Variants in GREB1 observed in about 807,000 individuals in gnomAD.
The protein encoded by GREB1 is protein GREB1.
Under a neutral mutation model 200.7 loss-of-function variants are expected in GREB1, and 106 were observed. The observed-to-expected ratio is 0.53, with a 90% confidence interval of 0.45 to 0.62. The LOEUF is 0.62. Among genes scored for constraint, GREB1 ranks in the 20% least tolerant of loss-of-function variants. The pLI, the probability that GREB1 is intolerant of heterozygous loss-of-function variation, is 0.00. For missense variants in GREB1, 2,243 were observed against 2,556.8 expected, an observed-to-expected ratio of 0.88 and a Z score of 2.65; for synonymous variants, 1,132 against 1,092.4, an observed-to-expected ratio of 1.04 and a Z score of -0.72.
intron 1 of GREB1, among the ~76,000 whole-genome samples, chr2:11,513,289 C>T (rs974170891): frequency 3.9e-5 from 6 of 152,148 alleles, no homozygotes; most frequent in Admixed American, 3.9e-4. Flanking sequence ...GGCGTCTCTC[C>T]CTTGTCCTTG....
At chr2:11,609,469 A>C (rs1056194740) in intron 17 of GREB1, among the ~76,000 whole-genome samples, 1 of 151,998 alleles carries the variant, frequency 6.6e-6, no homozygotes, top group African/African-American at 2.4e-5. Flanking sequence ...GGGTTTCATC[A>C]TGTTGGCCAG....
intron 4 of GREB1, among the ~76,000 whole-genome samples, chr2:11,568,432 G>A (rs1677914737): frequency 6.6e-6 from 1 of 152,198 alleles, no homozygotes; most frequent in Admixed American, 6.5e-5. Context: ...AAACATTTTG[G>A]CCAACTCTTT....
At chr2:11,523,791 GC>G (rs1362832132) in intron 1 of GREB1, among the ~76,000 whole-genome samples, 1 of 151,230 alleles carries the variant, frequency 6.6e-6, no homozygotes, top group Non-Finnish European at 1.5e-5. Context: ...TAGCTTCTTT[GC>G]CCCCGGCTTA....
chr2:11,529,447 G>A (rs937473771), upstream of GREB1, among the ~76,000 whole-genome samples: 1 of 152,164 alleles, frequency 6.6e-6, no homozygotes, highest in Non-Finnish European at 1.5e-5. Context: ...AAAGTCTGAC[G>A]GTGACAAGCA....
In GREB1 at chr2:11,585,850, G is replaced by C. The variant is rs1680029991; in HGVS notation, c.1104G>C (p.Val368=). ...CAGTGGTGGCCTCTGGAGAACCAGT[G>C]TCTGTTCCTGACAACTTGCTGAAAA... ...TFPVVASGEP[V]SVPDNLLKIC... The change falls in exon 9 of 33, where the codon GTG becomes GTC. Residue 368 remains valine, a synonymous_variant. Coordinates refer to ENST00000381486, the MANE Select transcript of GREB1 (RefSeq NM_014668.4). 6.2e-7 allele frequency: 1 copy of C among 1,613,904 alleles called. No homozygotes were observed. The highest frequency in any genetic ancestry group is 1.1e-5 in the South Asian group (1 of 91,070).
intron 26 of GREB1, among the ~76,000 whole-genome samples, chr2:11,630,433 G>T (rs138235898): frequency 6.6e-6 from 1 of 152,308 alleles, no homozygotes; most frequent in African/African-American, 2.4e-5. Context: ...CCTATCTTCC[G>T]TGCCCGGAAG....
At chr2:11,537,692 T>C (rs1674356961) in intron 1 of GREB1, among the ~76,000 whole-genome samples, 1 of 147,490 alleles carries the variant, frequency 6.8e-6, no homozygotes, top group Admixed American at 6.8e-5. Context: ...ATATATTACA[T>C]AAATATCATA....
At chr2:11,632,346 T>C (rs1272067477) in intron 27 of GREB1, among the ~76,000 whole-genome samples, 1 of 146,696 alleles carries the variant, frequency 6.8e-6, no homozygotes, top group Non-Finnish European at 1.5e-5. Flanking sequence ...TTTTTTTTTT[T>C]TTTTTTTTTT....
chr2:11,563,192 C>A (rs908102982), intron 3 of GREB1: 2 of 151,842 alleles, frequency 1.3e-5, no homozygotes, highest in African/African-American at 2.4e-5. Context: ...AGGCTGGTCT[C>A]GAACTCCTGA....
chr2:11,625,803 C>T (rs368454547), intron 24 of GREB1, among the ~76,000 whole-genome samples: 7 of 152,138 alleles, frequency 4.6e-5, no homozygotes, highest in African/African-American at 4.8e-5. Context: ...TGTGTTAGTC[C>T]GTTTCACGCT....
At chr2:11,554,011 G>A (rs1405106101) in intron 1 of GREB1, among the ~76,000 whole-genome samples, 2 of 152,130 alleles carry the variant, frequency 1.3e-5, no homozygotes, top group East Asian at 1.9e-4. Flanking sequence ...ATTCGTTGGT[G>A]GCAGCTTTAA....
At chr2:11,615,652 T>C (rs1664067377) in intron 20 of GREB1, among the ~76,000 whole-genome samples, 1 of 152,258 alleles carries the variant, frequency 6.6e-6, no homozygotes, top group Admixed American at 6.5e-5. Context: ...CTGGTGGAAT[T>C]CCCACCTAGT....
In GREB1 at chr2:11,566,494, G is replaced by C. The variant is rs200602447; in HGVS notation, c.292G>C (p.Gly98Arg). 1.2e-6 allele frequency: 2 copies of C among 1,609,758 alleles called. No individual in the cohort carries two copies. Among genetic ancestry groups the C allele is most frequent in the African/African-American group, 2.7e-5 (2 of 74,806 alleles). ...CCTTDGFCQA[G>R]KDLRLVSISN... ...ACCCCTCCTAGGGTTTTGCCAGGCC[G>C]GGAAGGACCTGCGCCTTGTCTCCAT... Residue 98 changes from glycine to arginine, a missense_variant, in exon 4 of 33, where the codon GGG becomes CGG. Coordinates refer to ENST00000381486, the MANE Select transcript of GREB1 (RefSeq NM_014668.4).
chr2:11,484,863 T>C (rs777459361), intron 1 of GREB1, among the ~76,000 whole-genome samples: 20 of 152,250 alleles, frequency 1.3e-4, no homozygotes. Flanking sequence ...TTGTTTGTTT[T>C]GAGACGGAGT....
intron 17 of GREB1, among the ~76,000 whole-genome samples, chr2:11,609,212 ACTTT>A (rs1157383896): frequency 6.6e-6 from 1 of 151,668 alleles, no homozygotes; most frequent in Admixed American, 6.6e-5. Flanking sequence ...TCCCTACTGC[ACTTT>A]CTTTCTTTCT....
intron 20 of GREB1, among the ~76,000 whole-genome samples, chr2:11,615,893 G>T (rs191770310): frequency 6.6e-6 from 1 of 152,368 alleles, no homozygotes; most frequent in Admixed American, 6.5e-5. Flanking sequence ...TGGAATGGAA[G>T]GAGGTGGGTG....
intron 1 of GREB1, among the ~76,000 whole-genome samples, chr2:11,496,878 T>TG (rs1236195352): frequency 1.3e-5 from 2 of 152,182 alleles, no homozygotes; most frequent in Non-Finnish European, 2.9e-5. Flanking sequence ...TTTTTTGAGT[T>TG]GGGGTCTCAT....
At chr2:11,585,934 G>GA in intron 9 of GREB1, 29 bp downstream of exon 9, 1 of 1,604,172 alleles carries the variant, frequency 6.2e-7, no homozygotes, top group Middle Eastern at 1.8e-4. Context: ...CGAGTCGTGG[G>GA]GATGGGAGAA....
At chr2:11,587,150 G>C (rs144675370) in intron 9 of GREB1, among the ~76,000 whole-genome samples, 1 of 152,230 alleles carries the variant, frequency 6.6e-6, no homozygotes, top group African/African-American at 2.4e-5. Flanking sequence ...CTGCCTCTCT[G>C]TTTACACTGC....
Sources: allele counts gnomAD v4.1 joint callset (sites outside exome capture counted in the v4.1 genomes callset), GRCh38; gene constraint gnomAD v4.1.1; transcripts MANE v1.5; gene names NCBI Gene and HGNC (gene_info 2026-07-23, HGNC 2026-07-21).